The following GLIS3 variants were observed in gnomAD, a reference collection of about 807,000 sequenced individuals.
GLIS3 encodes the protein GLIS family zinc finger 3.
Under a neutral mutation model 78.6 loss-of-function variants are expected in GLIS3, and 53 were observed. The ratio of observed to expected loss-of-function variants is 0.67; its 90% CI spans 0.54 to 0.85. GLIS3 has a LOEUF of 0.85. Ranked by LOEUF, GLIS3 falls within the 40% of genes least tolerant of loss-of-function variation. GLIS3 has a pLI of 0.00. For synonymous variants in GLIS3, 684 were observed against 509.9 expected (o/e 1.34, Z -4.60); for missense variants, 1,703 against 1,231.1 (o/e 1.38, Z -5.74).
intron 2 of GLIS3, among the ~76,000 whole-genome samples, chr9:4,261,869 T>G (rs1825562909): frequency 6.6e-6 from 1 of 152,150 alleles, no homozygotes; most frequent in East Asian, 1.9e-4. Context: ...TGGACTTCTT[T>G]GAGTTTTTAA....
intron 4 of GLIS3, among the ~76,000 whole-genome samples, chr9:4,045,779 A>T (rs1825199124): frequency 1.3e-5 from 2 of 152,196 alleles, no homozygotes; most frequent in South Asian, 4.1e-4. Context: ...AGATATTATG[A>T]GTCCTTGCAA....
the GLIS3 span, among the ~76,000 whole-genome samples, chr9:4,448,235 C>T: frequency 6.6e-6 from 1 of 152,186 alleles, no homozygotes; most frequent in Non-Finnish European, 1.5e-5. Context: ...TCCCATTTGC[C>T]TATTCATCTA....
intron 2 of GLIS3, among the ~76,000 whole-genome samples, chr9:4,187,264 A>C (rs915497683): frequency 2.0e-5 from 3 of 152,154 alleles, no homozygotes; most frequent in African/African-American, 7.2e-5. Context: ...TCCTTTCCCC[A>C]TTGCTTGTTT....
the GLIS3 span, among the ~76,000 whole-genome samples, chr9:4,428,483 C>CAAAA: frequency 7.8e-4 from 38 of 48,422 alleles, no homozygotes; most frequent in African/African-American, 1.7e-3. Context: ...GACTCTGTCT[C>CAAAA]AAAAAAAAAA....
At chr9:4,393,938 T>A in the GLIS3 span, among the ~76,000 whole-genome samples, 1 of 152,272 alleles carries the variant, frequency 6.6e-6, no homozygotes, top group East Asian at 1.9e-4. Flanking sequence ...CCAGTGGGCC[T>A]GAGTGTGAAT....
the GLIS3 span, among the ~76,000 whole-genome samples, chr9:4,366,377 C>T: frequency 9.7e-4 from 148 of 152,160 alleles, no homozygotes; most frequent in Middle Eastern, 6.8e-3. Flanking sequence ...CGAGTTAAAA[C>T]GTGAAAAAAA....
intron 2 of GLIS3, among the ~76,000 whole-genome samples, chr9:4,215,037 C>T (rs970129835): frequency 2.0e-5 from 3 of 152,152 alleles, no homozygotes; most frequent in African/African-American, 4.8e-5. Flanking sequence ...AGAACAAAAA[C>T]GATGGCTCTA....
intron 2 of GLIS3, among the ~76,000 whole-genome samples, chr9:4,194,833 C>G (rs1321442072): frequency 2.6e-5 from 4 of 152,196 alleles, no homozygotes; most frequent in Non-Finnish European, 4.4e-5. Flanking sequence ...TAGGGAGACG[C>G]TTGAAGATGC....
chr9:3,879,018 A>T (rs1173645724), intron 8 of GLIS3, among the ~76,000 whole-genome samples: 2 of 152,180 alleles, frequency 1.3e-5, no homozygotes, highest in African/African-American at 2.4e-5. Context: ...TAAAGTATTC[A>T]ATGAGCAGCC....
At chr9:4,222,851 C>G (rs1230430446) in intron 2 of GLIS3, among the ~76,000 whole-genome samples, 1 of 152,206 alleles carries the variant, frequency 6.6e-6, no homozygotes, top group Non-Finnish European at 1.5e-5. Context: ...AAGATTCTAG[C>G]ATTCCATTTC....
At chr9:4,327,225 A>G (rs1817614729) in intron 2 of GLIS3, among the ~76,000 whole-genome samples, 1 of 152,168 alleles carries the variant, frequency 6.6e-6, no homozygotes, top group Middle Eastern at 3.2e-3. Context: ...GACCTGAACA[A>G]AAAGGCCAGA....
intron 7 of GLIS3, among the ~76,000 whole-genome samples, chr9:3,885,703 T>C (rs1265666333): frequency 6.6e-6 from 1 of 152,202 alleles, no homozygotes; most frequent in African/African-American, 2.4e-5. Flanking sequence ...AGTTCAATCT[T>C]GTCTCTTTGT....
chr9:4,340,262 G>A (rs550717557), intron 2 of GLIS3, among the ~76,000 whole-genome samples: 10 of 140,620 alleles, frequency 7.1e-5, no homozygotes, highest in Admixed American at 6.0e-4. Flanking sequence ...TCTGTACCCA[G>A]ATAGAAGTTT....
intron 2 of GLIS3, among the ~76,000 whole-genome samples, chr9:4,206,963 C>T (rs775046844): frequency 1.3e-5 from 2 of 152,152 alleles, no homozygotes; most frequent in Non-Finnish European, 2.9e-5. Flanking sequence ...TTTGGACATT[C>T]GTACTCACTG....
chr9:4,130,465 T>C (rs2130933097), intron 2 of GLIS3, among the ~76,000 whole-genome samples: 1 of 152,374 alleles, frequency 6.6e-6, no homozygotes, highest in East Asian at 1.9e-4. Flanking sequence ...CCTGCTGCAC[T>C]GCACAGCCTC....
chr9:4,437,149 G>A, the GLIS3 span, among the ~76,000 whole-genome samples: 6 of 152,068 alleles, frequency 3.9e-5, no homozygotes, highest in African/African-American at 9.7e-5. Flanking sequence ...CACCTGAATC[G>A]TTACTATGAA....
chr9:4,210,791 T>C (rs145789346), intron 2 of GLIS3, among the ~76,000 whole-genome samples: 1 of 152,208 alleles, frequency 6.6e-6, no homozygotes, highest in Non-Finnish European at 1.5e-5. Flanking sequence ...CTCCTTATGG[T>C]CTCACCAATA....
Position 4,059,829 on chromosome 9 carries a change from T to TGTGAGAGAGAGA in GLIS3, c.1710+57938_1710+57939insTCTCTCTCTCAC. Reference sequence around the variant, plus strand: ...TTGTGTGTGTGTGTGTGTGTGTGTGTGAGAGAGAGAGAGAGAGAGAGAGAG... The same window carrying TGTGAGAGAGAGA: ...TTGTGTGTGTGTGTGTGTGTGTGTGTGTGAGAGAGAGAGAGAGAGAGAGAGAGAGAGAGAGAG... On this transcript the variant is annotated intron_variant, in intron 4 of 10. Coordinates refer to ENST00000381971, the MANE Select transcript of GLIS3 (RefSeq NM_001042413.2). 2.4e-3 allele frequency among the ~76,000 whole-genome samples: 242 copies of TGTGAGAGAGAGA among 100,698 alleles called. 2 individuals carry two copies. Among genetic ancestry groups the TGTGAGAGAGAGA allele is most frequent in the African/African-American group, 7.6e-3 (225 of 29,496 alleles). 66.1% of individuals were successfully genotyped at this position (100,698 alleles called of 152,430 possible).
At chr9:4,280,201 G>A (rs933836288) in intron 2 of GLIS3, among the ~76,000 whole-genome samples, 4 of 152,112 alleles carry the variant, frequency 2.6e-5, no homozygotes, top group African/African-American at 9.7e-5. Flanking sequence ...TTTATTTTTT[G>A]TAGAGAGAGA....
Sources: allele counts gnomAD v4.1 joint callset (sites outside exome capture counted in the v4.1 genomes callset), GRCh38; gene constraint gnomAD v4.1.1; transcripts MANE v1.5; gene names NCBI Gene and HGNC (gene_info 2026-07-23, HGNC 2026-07-21).